Variants in LYPLA1 observed in about 807,000 individuals in gnomAD.
LYPLA1 encodes the protein acyl-protein thioesterase 1.
In LYPLA1, 17 loss-of-function variants were observed where a neutral mutation model predicts 34.0. The ratio of observed to expected loss-of-function variants is 0.50; its 90% CI spans 0.34 to 0.75. The LOEUF (loss-of-function observed/expected upper bound fraction) is 0.75. LYPLA1 is among the 30% of genes least tolerant of loss of function. The pLI is 0.01. For synonymous variants in LYPLA1, 98 were observed against 100.8 expected (o/e 0.97, Z 0.17); for missense variants, 203 against 288.8 (o/e 0.70, Z 2.15).
chr8:54,085,638 TG>T, intron 2 of LYPLA1, among the ~76,000 whole-genome samples: 1 of 151,456 alleles, frequency 6.6e-6, no homozygotes, highest in East Asian at 2.0e-4. Context: ...CGACCCCGTC[TG>T]GGAACTGAGG....
intron 2 of LYPLA1, among the ~76,000 whole-genome samples, chr8:54,068,529 G>A (rs577033459): frequency 1.3e-5 from 2 of 152,244 alleles, no homozygotes; most frequent in African/African-American, 2.4e-5. Context: ...TAAATCAACC[G>A]AAAATCCAGA....
At chr8:54,064,270 GC>G (rs59484622) in intron 3 of LYPLA1, among the ~76,000 whole-genome samples, 152,270 of 152,274 alleles carry the variant, frequency 1, 76,133 homozygotes, top group Middle Eastern at 1. Flanking sequence ...CAAAAAATTA[GC>G]CCAGGCATGG....
chr8:54,078,898 C>CT (rs1808104343), intron 2 of LYPLA1, among the ~76,000 whole-genome samples: 1 of 131,092 alleles, frequency 7.6e-6, no homozygotes, highest in African/African-American at 3.8e-5. Context: ...TTTTTTTTTG[C>CT]TTTTTATGTT....
intron 2 of LYPLA1, among the ~76,000 whole-genome samples, chr8:54,084,147 T>C (rs1473828147): frequency 7.9e-6 from 1 of 125,996 alleles, no homozygotes; most frequent in Admixed American, 7.5e-5. Context: ...AATAAATATA[T>C]ATATATATAT....
At chr8:54,064,445 T>G (rs1162940341) in intron 3 of LYPLA1, among the ~76,000 whole-genome samples, 1 of 152,054 alleles carries the variant, frequency 6.6e-6, no homozygotes, top group Non-Finnish European at 1.5e-5. Flanking sequence ...TAAAAAGAAT[T>G]CTGTCTCTTG....
At chr8:54,062,727 GTCCTGAAC>G (rs1158187496) in intron 4 of LYPLA1, among the ~76,000 whole-genome samples, 1 of 152,066 alleles carries the variant, frequency 6.6e-6, no homozygotes, top group Non-Finnish European at 1.5e-5. Context: ...GGCCAGGCTG[GTCCTGAAC>G]TCCTGACCTC....
chr8:54,052,633 T>G, intron 7 of LYPLA1, 22 bp downstream of exon 7: 2 of 1,498,844 alleles, frequency 1.3e-6, no homozygotes, highest in Non-Finnish European at 1.9e-6. Context: ...TAATCTCATG[T>G]TGAGTGCATC....
rs1043651474 is a variant in LYPLA1 at position 54,047,841 on chromosome 8, T to A, written c.*224A>T. The stretch of plus-strand genomic sequence containing the variant: ...AAGAAGCTACCTGCTTCATCTATTC[T>A]AATATAGTAGATCCTGGGTCGTCTT... On this transcript the variant is annotated 3_prime_UTR_variant, in exon 9 of 9. Coordinates refer to ENST00000316963, the MANE Select transcript of LYPLA1 (RefSeq NM_006330.4). 2 of 394,890 alleles carry A rather than the reference T, an allele frequency of 5.1e-6. No homozygotes were observed. Among genetic ancestry groups the A allele is most frequent in the Non-Finnish European group, 9.0e-6 (2 of 222,704 alleles). 24.5% of individuals were successfully genotyped at this position (394,890 alleles called of 1,614,324 possible).
chr8:54,071,949 C>G (rs1439848812), intron 2 of LYPLA1, among the ~76,000 whole-genome samples: 2 of 152,114 alleles, frequency 1.3e-5, no homozygotes, highest in Non-Finnish European at 2.9e-5. Flanking sequence ...GCAAAAAGAA[C>G]AAAGCTGGAG....
chr8:54,081,623 G>A (rs540364553), intron 2 of LYPLA1, among the ~76,000 whole-genome samples: 1 of 151,840 alleles, frequency 6.6e-6, no homozygotes, highest in Admixed American at 6.6e-5. Flanking sequence ...CACCATGCTG[G>A]TCAGGCTGGT....
intron 3 of LYPLA1, among the ~76,000 whole-genome samples, chr8:54,063,910 G>C (rs1162152051): frequency 6.6e-6 from 1 of 152,132 alleles, no homozygotes; most frequent in African/African-American, 2.4e-5. Flanking sequence ...AAATATGCTA[G>C]ATAATCTGAA....
intron 2 of LYPLA1, among the ~76,000 whole-genome samples, chr8:54,070,381 G>A (rs1483375733): frequency 2.6e-5 from 4 of 152,044 alleles, no homozygotes; most frequent in African/African-American, 7.2e-5. Context: ...GCAGTATTAC[G>A]CAACTTCAAG....
At chr8:54,043,464 C>T (rs151217923), downstream of LYPLA1, among the ~76,000 whole-genome samples, 3,106 of 151,884 alleles carry the variant, frequency 0.02, 43 homozygotes, top group Non-Finnish European at 0.031. Flanking sequence ...TTAGTAGAGA[C>T]GGGGTTTCAC....
intron 2 of LYPLA1, among the ~76,000 whole-genome samples, chr8:54,068,480 A>G (rs1374147092): frequency 6.6e-6 from 1 of 152,220 alleles, no homozygotes; most frequent in Admixed American, 6.5e-5. Context: ...CTACCAAGTA[A>G]CATTCAGAAA....
intron 8 of LYPLA1, among the ~76,000 whole-genome samples, chr8:54,049,364 G>A (rs1443326367): frequency 6.6e-6 from 1 of 152,064 alleles, no homozygotes; most frequent in Non-Finnish European, 1.5e-5. Context: ...GAGCTCCCAA[G>A]CACTCTCTTC....
intron 2 of LYPLA1, among the ~76,000 whole-genome samples, chr8:54,079,278 C>A (rs1487141454): frequency 6.6e-6 from 1 of 152,156 alleles, no homozygotes; most frequent in African/African-American, 2.4e-5. Flanking sequence ...TCACGCCCGT[C>A]CAGTTTTCTG....
intron 2 of LYPLA1, among the ~76,000 whole-genome samples, chr8:54,084,141 A>T (rs758274220): frequency 0.031 from 3,690 of 117,188 alleles, 122 homozygotes; most frequent in African/African-American, 0.065. Context: ...AAAATAAATA[A>T]ATATATATAT....
intron 2 of LYPLA1, among the ~76,000 whole-genome samples, chr8:54,075,077 C>A (rs562676452): frequency 6.6e-6 from 1 of 152,184 alleles, no homozygotes; most frequent in African/African-American, 2.4e-5. Context: ...GAATCTCTCC[C>A]TAAAACAGCA....
At chr8:54,052,551 A>G in intron 7 of LYPLA1, 104 bp downstream of exon 7, 6 of 733,198 alleles carry the variant, frequency 8.2e-6, no homozygotes, top group Non-Finnish European at 1.4e-5. Flanking sequence ...TCTCCAAAAA[A>G]TAAAGTTTAT....
Sources: allele counts gnomAD v4.1 joint callset (sites outside exome capture counted in the v4.1 genomes callset), GRCh38; gene constraint gnomAD v4.1.1; transcripts MANE v1.5; gene names NCBI Gene and HGNC (gene_info 2026-07-23, HGNC 2026-07-21).